Variants in MAPK6 observed in about 807,000 individuals in gnomAD.
The protein encoded by MAPK6 is ERK-3.
MAPK6 carries 19 observed loss-of-function variants against 59.3 expected under a neutral mutation model. The observed-to-expected ratio is 0.32, with a 90% CI of 0.22 to 0.47. The LOEUF (loss-of-function observed/expected upper bound fraction) is 0.47, where lower values mean the gene tolerates loss of function less well. Among genes scored for constraint, MAPK6 ranks in the 20% least tolerant of loss-of-function variants. The pLI is 1.00. For missense variants in MAPK6, 724 were observed against 847.9 expected (o/e 0.85, Z 1.81); for synonymous variants, 316 against 290.3 (o/e 1.09, Z -0.90).
chr15:52,058,604 G>C (rs1174694076), intron 3 of MAPK6, 29 bp from the exon 4 acceptor site: 1 of 1,555,406 alleles, frequency 6.4e-7, no homozygotes. Flanking sequence ...ATTGAGGAAT[G>C]TGTTTTTTTG....
chr15:52,030,691 A>G (rs1436273992), intron 1 of MAPK6, among the ~76,000 whole-genome samples: 2 of 129,100 alleles, frequency 1.5e-5, no homozygotes, highest in African/African-American at 6.1e-5. Flanking sequence ...CAGCGGTGCA[A>G]TCTTGGCTCA....
chr15:52,035,898 T>C (rs2031225647), intron 1 of MAPK6, among the ~76,000 whole-genome samples: 1 of 152,234 alleles, frequency 6.6e-6, no homozygotes, highest in South Asian at 2.1e-4. Flanking sequence ...TTTCTTTACA[T>C]GCTTAGCTCT....
At position 52,061,408 on chromosome 15, in the gene MAPK6, G is replaced by A; in HGVS notation, c.975G>A (p.Glu325=). 1.4e-5 allele frequency: 22 copies of A among 1,613,850 alleles called. No homozygotes were observed. The highest frequency in any genetic ancestry group is 1.7e-5 in the Non-Finnish European group (20 of 1,179,776). ...YMSIYSFPMD[E]PISSHPFHIE... is the part of the protein sequence containing the mutation. ...GCATATATTCTTTTCCAATGGATGA[G>A]CCAATTTCAAGCCATCCTTTTCATA... Residue 325 remains glutamate, a synonymous_variant, in exon 5 of 6, where the codon GAG becomes GAA. Coordinates refer to ENST00000261845, the MANE Select transcript of MAPK6 (RefSeq NM_002748.4).
At chr15:51,983,148 C>T (rs1048058447) in intron 1 of MAPK6, among the ~76,000 whole-genome samples, 2 of 152,072 alleles carry the variant, frequency 1.3e-5, no homozygotes, top group Non-Finnish European at 2.9e-5. Context: ...AAAAAATATC[C>T]CAGGGTCATA....
At chr15:52,060,776 C>A (rs557536460) in intron 4 of MAPK6, among the ~76,000 whole-genome samples, 276 of 152,316 alleles carry the variant, frequency 1.8e-3, no homozygotes, top group African/African-American at 6.4e-3. Context: ...GAAATTAGTA[C>A]AACAGAGATG....
intron 2 of MAPK6, 44 bp from the exon 3 acceptor site, chr15:52,049,949 C>T: frequency 1.3e-6 from 2 of 1,535,266 alleles, no homozygotes; most frequent in Non-Finnish European, 1.8e-6. Context: ...AAGTACTGTT[C>T]TTCAGCTAAA....
chr15:52,065,112 G>C lies in MAPK6; in HGVS notation c.*112G>C. The C allele has an allele frequency of 1.0e-6, 1 of 966,388 alleles. No homozygotes were observed. The highest frequency in any genetic ancestry group is 2.7e-5 in the East Asian group (1 of 36,540). 59.9% of individuals were successfully genotyped at this position (966,388 alleles called of 1,614,324 possible). ...GAATCAGATGGTGTCATTTAGTAAG[G>C]ATTTTATGAGTTCTTGTTTTTTAAA... On this transcript the variant is annotated 3_prime_UTR_variant, in exon 6 of 6. Coordinates refer to ENST00000261845, the MANE Select transcript of MAPK6 (RefSeq NM_002748.4).
Position 52,049,971 on chromosome 15 carries a change from A to G in MAPK6, c.556-22A>G, listed in dbSNP as rs182402354. On this transcript the variant is annotated intron_variant, in intron 2 of 5. Transcript: ENST00000261845. The stretch of plus-strand genomic sequence containing the variant: ...GTTCTTCAGCTAAAGTAAAAAAAGT[A>G]TGTTTTTTGTTTCTTTTATAGGGTC... 590 of 1,598,566 alleles carry G rather than the reference A, an allele frequency of 3.7e-4. 6 individuals carry two copies. In the African/African-American group the frequency reaches 7.5e-3, roughly 20 times the overall value.
intron 1 of MAPK6, among the ~76,000 whole-genome samples, chr15:52,028,281 G>A (rs1057340041): frequency 2.6e-5 from 4 of 152,096 alleles, no homozygotes; most frequent in Admixed American, 6.5e-5. Flanking sequence ...AGACGGATTC[G>A]TCTCTGTGTT....
At chr15:52,055,519 G>GTT (rs759976530) in intron 3 of MAPK6, among the ~76,000 whole-genome samples, 146 of 148,088 alleles carry the variant, frequency 9.9e-4, no homozygotes, top group Non-Finnish European at 4.4e-4. Flanking sequence ...GGGTTTTTTT[G>GTT]TTTGTTTGTT....
chr15:52,019,063 G>C (rs953628947), upstream of MAPK6: 1 of 152,382 alleles, frequency 6.6e-6, no homozygotes, highest in African/African-American at 2.4e-5. Context: ...CGGACGAGCC[G>C]CGTGCCTTTC....
chr15:52,029,033 A>G (rs1292649019), intron 1 of MAPK6, among the ~76,000 whole-genome samples: 1 of 152,046 alleles, frequency 6.6e-6, no homozygotes, highest in Non-Finnish European at 1.5e-5. Context: ...ACACCTTGTT[A>G]TACTGTATGC....
intron 1 of MAPK6, among the ~76,000 whole-genome samples, chr15:52,039,980 T>G (rs929721785): frequency 6.6e-6 from 1 of 152,200 alleles, no homozygotes; most frequent in Non-Finnish European, 1.5e-5. Flanking sequence ...TTATTTGTTG[T>G]TAATAGTTTA....
chr15:51,992,428 G>T (rs1176023291), intron 2 of MAPK6, among the ~76,000 whole-genome samples: 2 of 151,212 alleles, frequency 1.3e-5, no homozygotes, highest in Non-Finnish European at 2.9e-5. Context: ...CAGCCTCCCG[G>T]GTAGCTGGAA....
chr15:51,976,545 AG>A (rs898642997), intron 1 of MAPK6, among the ~76,000 whole-genome samples: 19 of 151,838 alleles, frequency 1.3e-4, no homozygotes. Context: ...AAATTCTAAA[AG>A]TTTCTAGAGA....
intron 1 of MAPK6, chr15:52,027,905 T>C (rs1206945601): frequency 6.6e-6 from 1 of 151,354 alleles, no homozygotes; most frequent in Non-Finnish European, 1.5e-5. Context: ...CTTGAGTAGT[T>C]GGGACTGCAG....
chr15:52,055,701 A>C (rs1464041559), intron 3 of MAPK6, among the ~76,000 whole-genome samples: 1 of 152,008 alleles, frequency 6.6e-6, no homozygotes, highest in Non-Finnish European at 1.5e-5. Context: ...ATTTTAGTAG[A>C]GACAGGATTT....
intron 1 of MAPK6, among the ~76,000 whole-genome samples, chr15:52,027,349 CAAAAAAAAA>C (rs71130120): frequency 2.0e-5 from 1 of 49,192 alleles, no homozygotes; most frequent in African/African-American, 8.5e-5. Flanking sequence ...GACTCCCTCT[CAAAAAAAAA>C]AAAAAAAAAA....
Position 52,065,256 on chromosome 15 carries a change from TAAGAC to T in MAPK6, c.*261_*265del. 2.9e-6 allele frequency: 1 copy of T among 349,932 alleles called. No homozygotes were observed. The highest frequency in any genetic ancestry group is 4.4e-5 in the Admixed American group (1 of 22,922). The allele number at this position is 349,932 out of a possible 1,614,324, so 21.7% of individuals were successfully genotyped here. A position where few individuals can be genotyped will look rare whatever the true frequency, so the allele number is the denominator to read the frequency against. ...ACGCAGGAGGAGAAAAGAAATGCACTAAGACAAGAACATTCTCTCATAGAACATTG... is the reference window on the plus strand; with the variant it reads ...ACGCAGGAGGAGAAAAGAAATGCACTAAGAACATTCTCTCATAGAACATTG... On this transcript the variant is annotated 3_prime_UTR_variant, in exon 6 of 6. Coordinates refer to ENST00000261845, the MANE Select transcript of MAPK6 (RefSeq NM_002748.4).
Sources: gnomAD v4.1 joint callset for allele counts (sites outside exome capture counted in the v4.1 genomes callset) on GRCh38, gnomAD v4.1.1 for gene constraint, MANE v1.5 for transcripts, NCBI Gene and HGNC (gene_info 2026-07-23, HGNC 2026-07-21) for gene names.